Variants in LSAMP observed in about 807,000 individuals in gnomAD.
The protein encoded by LSAMP is limbic system-associated membrane protein.
In LSAMP, 7 loss-of-function variants were observed where a neutral mutation model predicts 38.6. The ratio of observed to expected loss-of-function variants is 0.18; its 90% CI spans 0.10 to 0.34. The LOEUF is 0.34. LSAMP is among the 10% of genes least tolerant of loss of function. The pLI, the probability that LSAMP is intolerant of heterozygous loss-of-function variation, is 1.00. For synonymous variants in LSAMP, 154 were observed against 166.8 expected, an observed-to-expected ratio of 0.92 and a Z score of 0.59; for missense variants, 313 against 420.0, an observed-to-expected ratio of 0.75 and a Z score of 2.23.
chr3:116,274,954 CA>C (rs10662824), intron 1 of LSAMP, among the ~76,000 whole-genome samples: 6,413 of 136,274 alleles, frequency 0.047, 303 homozygotes, highest in Admixed American at 0.11. Flanking sequence ...TAAAAATAGC[CA>C]AAAAAAAAAA....
intron 1 of LSAMP, among the ~76,000 whole-genome samples, chr3:116,382,771 CAT>C (rs2048578384): frequency 6.6e-6 from 1 of 152,096 alleles, no homozygotes; most frequent in Non-Finnish European, 1.5e-5. Flanking sequence ...GAGTTTGTTA[CAT>C]GTTACAGCTT....
intron 1 of LSAMP, among the ~76,000 whole-genome samples, chr3:116,393,331 G>A (rs1289023425): frequency 2.0e-5 from 3 of 152,152 alleles, no homozygotes; most frequent in Non-Finnish European, 4.4e-5. Flanking sequence ...ATTCCCTGGT[G>A]CCAGCTGGGT....
At chr3:116,359,715 T>G (rs1251821407) in intron 1 of LSAMP, among the ~76,000 whole-genome samples, 1 of 152,128 alleles carries the variant, frequency 6.6e-6, no homozygotes, top group Non-Finnish European at 1.5e-5. Flanking sequence ...AACTAAGCAA[T>G]GGAGAAAGGA....
At chr3:116,168,033 G>A (rs750861253) in intron 1 of LSAMP, among the ~76,000 whole-genome samples, 1 of 152,102 alleles carries the variant, frequency 6.6e-6, no homozygotes. Flanking sequence ...GACTCAGCAG[G>A]TTGAGCCCAT....
intron 3 of LSAMP, among the ~76,000 whole-genome samples, chr3:115,982,216 A>C (rs527644972): frequency 6.6e-6 from 1 of 152,318 alleles, no homozygotes; most frequent in African/African-American, 2.4e-5. Context: ...ACCTTTATAC[A>C]ACTGGTGGAT....
chr3:116,301,769 G>A (rs1212491574), intron 1 of LSAMP, among the ~76,000 whole-genome samples: 1 of 152,132 alleles, frequency 6.6e-6, no homozygotes, highest in Admixed American at 6.5e-5. Flanking sequence ...AAAATTATGA[G>A]TTTAAAACTT....
intron 3 of LSAMP, among the ~76,000 whole-genome samples, chr3:115,870,553 A>G (rs1399470640): frequency 1.3e-5 from 2 of 152,138 alleles, no homozygotes; most frequent in African/African-American, 4.8e-5. Context: ...GCTTACCTCC[A>G]AAAGTTCTAA....
At position 115,992,519 on chromosome 3, in the gene LSAMP, C is replaced by T. The variant is rs569998116; in HGVS notation, c.514+26996G>A. On this transcript the variant is annotated intron_variant, in intron 3 of 6. Coordinates refer to ENST00000490035, the MANE Select transcript of LSAMP (RefSeq NM_002338.5). ...AAACCAGCATACAGATTAGATGATA[C>T]CACTGAGTAGATTTGGTCATTTGAA... 3.9e-5 allele frequency among the ~76,000 whole-genome samples: 6 copies of T among 152,130 alleles called. No individual in the cohort carries two copies. The East Asian group carries it at 1.2e-3, about 29-fold the overall frequency.
intron 1 of LSAMP, among the ~76,000 whole-genome samples, chr3:116,322,822 C>CT (rs1014127789): frequency 1.3e-5 from 2 of 152,016 alleles, no homozygotes; most frequent in African/African-American, 4.8e-5. Flanking sequence ...TTTCCTTCCT[C>CT]TTTCTCTGCT....
intron 1 of LSAMP, among the ~76,000 whole-genome samples, chr3:116,356,588 T>G (rs1253497121): frequency 6.6e-6 from 1 of 152,210 alleles, no homozygotes; most frequent in Admixed American, 6.5e-5. Context: ...GAGAGTACAA[T>G]TGGAATGTTT....
intron 6 of LSAMP, among the ~76,000 whole-genome samples, chr3:115,810,675 G>A (rs1933796237): frequency 6.6e-6 from 1 of 152,118 alleles, no homozygotes; most frequent in South Asian, 2.1e-4. Context: ...CCTTAAACTG[G>A]CTATCACTAA....
chr3:116,195,208 T>TGCTA (rs1390822606), intron 1 of LSAMP, among the ~76,000 whole-genome samples: 21 of 152,208 alleles, frequency 1.4e-4, no homozygotes, highest in Non-Finnish European at 2.4e-4. Flanking sequence ...CTCCAGTTGA[T>TGCTA]GCTAGTCACT....
At position 115,940,312 on chromosome 3, in the gene LSAMP, G is replaced by A. The variant is rs867668281; in HGVS notation, c.514+79203C>T. Among the ~76,000 whole-genome samples, 9 of 5,680 alleles carry A rather than the reference G, an allele frequency of 1.6e-3. No homozygotes were observed. In the East Asian group the frequency reaches 0.044, roughly 28 times the overall value. The allele number at this position is 5,680 out of a possible 152,430, so 3.7% of individuals were successfully genotyped here. The stretch of plus-strand genomic sequence containing the variant: ...TATTCCCTTATTTGGCCCCGCCCAC[G>A]TCCTACTGATGGGTCCATTTTACAG... On this transcript the variant is annotated intron_variant, in intron 3 of 6. Transcript: ENST00000490035.
chr3:116,253,982 G>A (rs9836892), intron 1 of LSAMP, among the ~76,000 whole-genome samples: 117,640 of 152,128 alleles, frequency 0.77, 46,043 homozygotes, highest in Non-Finnish European at 0.84. Flanking sequence ...TCCTTTCCCT[G>A]CAGTTCCATG....
intron 1 of LSAMP, among the ~76,000 whole-genome samples, chr3:116,350,662 A>G (rs945319295): frequency 2.0e-5 from 3 of 151,766 alleles, no homozygotes; most frequent in African/African-American, 4.8e-5. Context: ...CCCAAGGCAC[A>G]TAAGTAGTGA....
chr3:116,131,269 A>G (rs200003973), intron 1 of LSAMP, among the ~76,000 whole-genome samples: 7 of 151,726 alleles, frequency 4.6e-5, no homozygotes, highest in African/African-American at 1.2e-4. Context: ...GGGATTACAG[A>G]CGTGAGCCAC....
At chr3:116,108,367 G>A (rs1156899810) in intron 1 of LSAMP, among the ~76,000 whole-genome samples, 2 of 152,114 alleles carry the variant, frequency 1.3e-5, no homozygotes, top group East Asian at 3.9e-4. Flanking sequence ...CTCCACAGTT[G>A]GGGAGTTTTA....
At chr3:116,187,003 C>G (rs1466335689) in intron 1 of LSAMP, among the ~76,000 whole-genome samples, 1 of 152,072 alleles carries the variant, frequency 6.6e-6, no homozygotes, top group Non-Finnish European at 1.5e-5. Context: ...TAGTAATGCT[C>G]ATATTCACTG....
intron 1 of LSAMP, among the ~76,000 whole-genome samples, chr3:116,103,132 A>G (rs1708384978): frequency 6.6e-6 from 1 of 152,064 alleles, no homozygotes; most frequent in Non-Finnish European, 1.5e-5. Context: ...TACTATATTA[A>G]TCATTGTATT....
Sources: allele counts gnomAD v4.1 joint callset (sites outside exome capture counted in the v4.1 genomes callset), GRCh38; gene constraint gnomAD v4.1.1; transcripts MANE v1.5; gene names NCBI Gene and HGNC (gene_info 2026-07-23, HGNC 2026-07-21).